The following ST18 variants were observed in gnomAD, a reference collection of about 807,000 sequenced individuals.
The protein encoded by ST18 is suppression of tumorigenicity 18 protein.
In ST18, 50 loss-of-function variants were observed where a neutral mutation model predicts 110.0. The observed-to-expected ratio is 0.45, with a 90% CI of 0.36 to 0.58. The LOEUF (loss-of-function observed/expected upper bound fraction) is 0.58, where lower values mean the gene tolerates loss of function less well. Ranked by LOEUF, ST18 falls within the 20% of genes least tolerant of loss-of-function variation. The pLI, the probability that ST18 is intolerant of heterozygous loss-of-function variation, is 0.00. For missense variants in ST18, 1,306 were observed against 1,280.1 expected (o/e 1.02, Z -0.31); for synonymous variants, 461 against 452.4 (o/e 1.02, Z -0.24).
intron 6 of ST18, 134 bp from the exon 7 acceptor site, chr8:52,214,391 A>G (rs2083364491): frequency 2.4e-6 from 2 of 833,298 alleles, no homozygotes; most frequent in Admixed American, 4.2e-5. Flanking sequence ...GCCCGGCTCT[A>G]TAGTACATAA....
chr8:52,269,141 A>T (rs905649660), intron 2 of ST18, among the ~76,000 whole-genome samples: 2 of 152,220 alleles, frequency 1.3e-5, no homozygotes, highest in African/African-American at 4.8e-5. Flanking sequence ...TCTATCAAAG[A>T]TGTAGGCCAA....
chr8:52,243,372 C>T (rs1245417209), intron 2 of ST18, among the ~76,000 whole-genome samples: 1 of 152,136 alleles, frequency 6.6e-6, no homozygotes, highest in Non-Finnish European at 1.5e-5. Flanking sequence ...GATCTTTCAA[C>T]TACTTAATGA....
At chr8:52,314,880 G>T (rs1254286754) in intron 2 of ST18, among the ~76,000 whole-genome samples, 2 of 152,136 alleles carry the variant, frequency 1.3e-5, no homozygotes, top group Non-Finnish European at 2.9e-5. Flanking sequence ...GACACAGCCA[G>T]CCAGCCTCGA....
intron 2 of ST18, among the ~76,000 whole-genome samples, chr8:52,332,084 A>G (rs977007865): frequency 6.6e-5 from 10 of 152,088 alleles, no homozygotes; most frequent in Admixed American, 6.6e-4. Context: ...TATAAAACAA[A>G]TATATAAAAT....
At chr8:52,269,697 G>A (rs1342273999) in intron 2 of ST18, among the ~76,000 whole-genome samples, 1 of 152,186 alleles carries the variant, frequency 6.6e-6, no homozygotes, top group Non-Finnish European at 1.5e-5. Flanking sequence ...CAATTTCACG[G>A]TGGGATTATG....
chr8:52,339,736 G>C (rs989279872), intron 2 of ST18, among the ~76,000 whole-genome samples: 3 of 152,198 alleles, frequency 2.0e-5, no homozygotes, highest in African/African-American at 7.2e-5. Context: ...CCACACAAAG[G>C]GTGCTCAGGG....
intron 6 of ST18, among the ~76,000 whole-genome samples, chr8:52,215,807 G>GTAAGC (rs2083973023): frequency 1.3e-5 from 2 of 152,190 alleles, no homozygotes; most frequent in African/African-American, 2.4e-5. Context: ...ACTCAGGATA[G>GTAAGC]TAAGCACTGT....
chr8:52,128,306 C>T (rs2047899125), intron 22 of ST18, among the ~76,000 whole-genome samples: 1 of 152,126 alleles, frequency 6.6e-6, no homozygotes. Context: ...CTTCTTAAAG[C>T]AAAATGGCAG....
chr8:52,122,117 A>T (rs1201870718), intron 23 of ST18, among the ~76,000 whole-genome samples: 1 of 152,218 alleles, frequency 6.6e-6, no homozygotes, highest in African/African-American at 2.4e-5. Flanking sequence ...TGCTGGGATT[A>T]TAAGCATGAG....
chr8:52,167,571 C>G (rs921856742), intron 10 of ST18, among the ~76,000 whole-genome samples: 1 of 152,212 alleles, frequency 6.6e-6, no homozygotes, highest in African/African-American at 2.4e-5. Flanking sequence ...TTCACGGTCT[C>G]GAGATTCCAA....
At chr8:52,334,161 A>C (rs945244715) in intron 2 of ST18, among the ~76,000 whole-genome samples, 11 of 152,250 alleles carry the variant, frequency 7.2e-5, no homozygotes, top group African/African-American at 2.4e-4. Context: ...TAGTTGAAAT[A>C]ATTTGAATCT....
intron 2 of ST18, among the ~76,000 whole-genome samples, chr8:52,382,322 C>T (rs1328134497): frequency 6.6e-6 from 1 of 152,158 alleles, no homozygotes; most frequent in Admixed American, 6.6e-5. Context: ...GCCTCATTCT[C>T]ACTGAAAGGT....
chr8:52,150,010 A>T, intron 15 of ST18, 33 bp from the exon 16 acceptor site: 1 of 1,591,348 alleles, frequency 6.3e-7, no homozygotes, highest in African/African-American at 1.3e-5. Flanking sequence ...AAAACATTTA[A>T]GCAGTTTGCA....
At chr8:52,257,441 A>C (rs1400481781) in intron 2 of ST18, among the ~76,000 whole-genome samples, 2 of 151,654 alleles carry the variant, frequency 1.3e-5, no homozygotes, top group African/African-American at 4.8e-5. Flanking sequence ...CCTCACCAAC[A>C]CTTTTTATTG....
intron 2 of ST18, among the ~76,000 whole-genome samples, chr8:52,307,529 C>T: frequency 6.6e-6 from 1 of 152,010 alleles, no homozygotes; most frequent in Admixed American, 6.6e-5. Flanking sequence ...TTTTCCTCAC[C>T]CACTGCATAA....
intron 2 of ST18, among the ~76,000 whole-genome samples, chr8:52,326,888 C>A (rs1419096664): frequency 6.6e-6 from 1 of 152,170 alleles, no homozygotes; most frequent in Non-Finnish European, 1.5e-5. Flanking sequence ...GGGCTGGCAG[C>A]AGCCAATTGA....
At chr8:52,187,136 A>AT (rs2072613941) in intron 8 of ST18, among the ~76,000 whole-genome samples, 1 of 152,230 alleles carries the variant, frequency 6.6e-6, no homozygotes, top group Non-Finnish European at 1.5e-5. Flanking sequence ...GAAAGTATTT[A>AT]TAGACTAAAG....
intron 2 of ST18, among the ~76,000 whole-genome samples, chr8:52,284,370 C>T (rs1337847420): frequency 6.6e-6 from 1 of 152,194 alleles, no homozygotes; most frequent in Non-Finnish European, 1.5e-5. Context: ...TCATCTCTGA[C>T]ACAGCTTCTA....
At chr8:52,287,589 G>A (rs1179766366) in intron 2 of ST18, among the ~76,000 whole-genome samples, 3 of 152,226 alleles carry the variant, frequency 2.0e-5, no homozygotes, top group East Asian at 1.9e-4. Context: ...GGGAGATACC[G>A]GTTGCCATGA....
Sources: allele counts gnomAD v4.1 joint callset (sites outside exome capture counted in the v4.1 genomes callset), GRCh38; gene constraint gnomAD v4.1.1; transcripts MANE v1.5; gene names NCBI Gene and HGNC (gene_info 2026-07-23, HGNC 2026-07-21).